The following TPO variants were observed in gnomAD, a reference collection of about 807,000 sequenced individuals.
TPO encodes thyroid microsomal antigen.
In TPO, 78 loss-of-function variants were observed where a neutral mutation model predicts 96.9. That is an observed-to-expected ratio of 0.81 (90% CI 0.67 to 0.97). TPO has a LOEUF of 0.97. TPO is among the 50% of genes least tolerant of loss of function. The pLI is 0.00. For missense variants in TPO, 1,252 were observed against 1,274.8 expected (o/e 0.98, Z 0.27); for synonymous variants, 547 against 538.0 (o/e 1.02, Z -0.23).
intron 7 of TPO, among the ~76,000 whole-genome samples, chr2:1,459,488 C>T (rs534759863): frequency 2.6e-4 from 39 of 152,214 alleles, no homozygotes; most frequent in African/African-American, 7.0e-4. Context: ...CAGATGGTTT[C>T]GATCTCATGT....
At chr2:1,423,221 G>T (rs892735774) in intron 3 of TPO, 92 bp downstream of exon 3, 37 of 1,218,284 alleles carry the variant, frequency 3.0e-5, no homozygotes, top group Non-Finnish European at 4.4e-5. Context: ...TTTCGCAATT[G>T]CAGATGAAAA....
chr2:1,435,401 G>T (rs116045274), intron 4 of TPO, among the ~76,000 whole-genome samples: 24 of 152,182 alleles, frequency 1.6e-4, no homozygotes, highest in Non-Finnish European at 2.9e-4. Flanking sequence ...AGCCATTCCC[G>T]TTGGACTGTT....
intron 15 of TPO, among the ~76,000 whole-genome samples, chr2:1,527,593 C>G (rs1344993606): frequency 6.7e-6 from 1 of 150,042 alleles, no homozygotes; most frequent in East Asian, 2.1e-4. Flanking sequence ...CCTCACATCC[C>G]CACCACTCTG....
At chr2:1,444,135 C>T (rs371167735) in intron 5 of TPO, among the ~76,000 whole-genome samples, 89 of 94,260 alleles carry the variant, frequency 9.4e-4, no homozygotes, top group Middle Eastern at 0.012. Flanking sequence ...GATCCAGTCA[C>T]TGCTGCGGGA....
chr2:1,495,036 G>A (rs924798528), intron 11 of TPO, among the ~76,000 whole-genome samples: 2 of 152,206 alleles, frequency 1.3e-5, no homozygotes, highest in Admixed American at 1.3e-4. Context: ...TCAGAAGGGG[G>A]AAGATTTCAC....
At chr2:1,458,578 G>T (rs1668108963) in intron 7 of TPO, among the ~76,000 whole-genome samples, 1 of 151,974 alleles carries the variant, frequency 6.6e-6, no homozygotes, top group African/African-American at 2.4e-5. Context: ...ATAGTGTGTG[G>T]ACATGTGTGT....
chr2:1,447,992 A>C (rs1254453675), intron 5 of TPO, among the ~76,000 whole-genome samples: 1 of 152,224 alleles, frequency 6.6e-6, no homozygotes, highest in African/African-American at 2.4e-5. Context: ...TTGTTGGGGC[A>C]GCTCGCACTG....
intron 1 of TPO, among the ~76,000 whole-genome samples, 198 bp from the exon 2 acceptor site, chr2:1,414,210 C>A (rs111779482): frequency 6.6e-6 from 1 of 152,144 alleles, no homozygotes; most frequent in South Asian, 2.1e-4. Context: ...GCCTGCTCAG[C>A]GCTGCAGTTT....
intron 7 of TPO, among the ~76,000 whole-genome samples, chr2:1,466,280 G>T (rs964203801): frequency 3.9e-5 from 6 of 152,154 alleles, no homozygotes; most frequent in Non-Finnish European, 7.4e-5. Context: ...ATATGCATTG[G>T]ATTTGGTTAG....
chr2:1,395,625 C>T (rs1330931705), intron 1 of TPO, among the ~76,000 whole-genome samples: 1 of 152,294 alleles, frequency 6.6e-6, no homozygotes, highest in African/African-American at 2.4e-5. Context: ...TGTGTCCCCA[C>T]CCACATTTCA....
intron 1 of TPO, among the ~76,000 whole-genome samples, chr2:1,374,980 T>C (rs1661700112): frequency 6.6e-6 from 1 of 152,080 alleles, no homozygotes; most frequent in African/African-American, 2.4e-5. Flanking sequence ...CTACCCACCT[T>C]GGCCTCCCAA....
rs1042589 is a variant in TPO at position 1,542,555 on chromosome 2, C to T, written c.*81C>T. On this transcript the variant is annotated 3_prime_UTR_variant, in exon 17 of 17. Coordinates refer to ENST00000329066, the MANE Select transcript of TPO (RefSeq NM_001206744.2). Reference sequence around the variant, plus strand: ...ACTCTTTTCCAAACACAGGCAAATCCGAAATCAGCAGGACGACTGTTTTCC... The same window carrying T: ...ACTCTTTTCCAAACACAGGCAAATCTGAAATCAGCAGGACGACTGTTTTCC... 6.3e-6 allele frequency: 10 copies of T among 1,594,932 alleles called. No homozygotes were observed. The highest frequency in any genetic ancestry group is 1.7e-4 in the Middle Eastern group (1 of 6,030).
intron 13 of TPO, among the ~76,000 whole-genome samples, chr2:1,498,643 A>G (rs1672586879): frequency 6.6e-6 from 1 of 152,170 alleles, no homozygotes; most frequent in Admixed American, 6.5e-5. Context: ...CAGAGATTAC[A>G]GTGCCCCAGA....
At chr2:1,407,682 T>C (rs1176708955) in intron 1 of TPO, among the ~76,000 whole-genome samples, 1 of 152,206 alleles carries the variant, frequency 6.6e-6, no homozygotes, top group Admixed American at 6.5e-5. Context: ...TATCAGAATA[T>C]TTAATAAACC....
At chr2:1,412,377 T>C (rs551063553), upstream of TPO, among the ~76,000 whole-genome samples, 10 of 152,310 alleles carry the variant, frequency 6.6e-5, no homozygotes, top group South Asian at 1.7e-3. Context: ...CCTTCCTCTC[T>C]ATCCAAACCC....
chr2:1,480,807 A>ACCACG (rs1558339043), intron 8 of TPO, among the ~76,000 whole-genome samples: 1 of 84,402 alleles, frequency 1.2e-5, no homozygotes, highest in African/African-American at 3.9e-5. Context: ...CTCCTGCTGC[A>ACCACG]TCCGTCCACA....
chr2:1,530,772 C>A (rs1330828786), intron 15 of TPO, among the ~76,000 whole-genome samples: 1 of 113,770 alleles, frequency 8.8e-6, no homozygotes, highest in Non-Finnish European at 1.8e-5. Flanking sequence ...CCTCAAATCC[C>A]CCCATGGGGG....
intron 14 of TPO, 84 bp from the exon 15 acceptor site, chr2:1,516,799 G>C (rs1674758126): frequency 1.6e-6 from 2 of 1,278,682 alleles, no homozygotes; most frequent in Non-Finnish European, 2.3e-6. Flanking sequence ...CCCAGGACAG[G>C]GTATGGCCCA....
chr2:1,527,852 C>CCCCGTACTGTGTGCAACCTCCCACAT (rs1491218092), intron 15 of TPO, among the ~76,000 whole-genome samples: 1 of 36,126 alleles, frequency 2.8e-5, no homozygotes, highest in South Asian at 1.4e-3. Flanking sequence ...CTCCTCAAAT[C>CCCCGTACTGTGTGCAACCTCCCACAT]CCCCCCACTG....
Sources: gnomAD v4.1 joint callset for allele counts (sites outside exome capture counted in the v4.1 genomes callset) on GRCh38, gnomAD v4.1.1 for gene constraint, MANE v1.5 for transcripts, NCBI Gene and HGNC (gene_info 2026-07-23, HGNC 2026-07-21) for gene names.